POU2F1: variants seen among roughly 807,000 people sequenced by gnomAD.
POU2F1 encodes POU class 2 homeobox 1, also known as POU domain, class 2, transcription factor 1.
Under a neutral mutation model 84.9 loss-of-function variants are expected in POU2F1, and 16 were observed. That is an observed-to-expected ratio of 0.19 (90% confidence interval 0.13 to 0.29). The LOEUF is 0.29. POU2F1 is among the 10% of genes least tolerant of loss of function. The probability of loss-of-function intolerance (pLI) is 1.00; values close to 1 mark genes in which losing one functional copy is unlikely to be tolerated. For synonymous variants in POU2F1, 368 were observed against 368.3 expected (o/e 1.00, Z 0.01); for missense variants, 738 against 942.6 (o/e 0.78, Z 2.84).
chr1:167,228,482 C>T (rs999449115), intron 1 of POU2F1, among the ~76,000 whole-genome samples: 1 of 152,166 alleles, frequency 6.6e-6, no homozygotes, highest in African/African-American at 2.4e-5. Flanking sequence ...GGATATTGTC[C>T]AATTACATTA....
chr1:167,298,891 C>T (rs529227774), intron 1 of POU2F1, among the ~76,000 whole-genome samples: 1 of 152,176 alleles, frequency 6.6e-6, no homozygotes, highest in East Asian at 1.9e-4. Context: ...AGGCTGGGCA[C>T]GGTGGCTCAT....
chr1:167,320,805 C>A (rs2102631785), intron 1 of POU2F1, among the ~76,000 whole-genome samples: 1 of 152,316 alleles, frequency 6.6e-6, no homozygotes, highest in South Asian at 2.1e-4. Context: ...TCTCAATTAG[C>A]TGTAACTCTG....
intron 1 of POU2F1, among the ~76,000 whole-genome samples, chr1:167,224,500 A>G (rs1571112144): frequency 6.6e-6 from 1 of 152,220 alleles, no homozygotes; most frequent in African/African-American, 2.4e-5. Flanking sequence ...CTTAGTCTGG[A>G]CAAGTTTGTT....
At chr1:167,356,988 T>C (rs550889455) in intron 2 of POU2F1, among the ~76,000 whole-genome samples, 1 of 152,190 alleles carries the variant, frequency 6.6e-6, no homozygotes, top group Non-Finnish European at 1.5e-5. Flanking sequence ...ATTTTGTCTC[T>C]TAATGCACAT....
At chr1:167,284,561 T>C (rs916185346) in intron 1 of POU2F1, among the ~76,000 whole-genome samples, 1 of 152,258 alleles carries the variant, frequency 6.6e-6, no homozygotes, top group Non-Finnish European at 1.5e-5. Flanking sequence ...GTATTCACTT[T>C]GCCTTTCCCA....
chr1:167,288,740 A>G (rs7535513), intron 1 of POU2F1, among the ~76,000 whole-genome samples: 16,298 of 152,248 alleles, frequency 0.11, 2,163 homozygotes, highest in African/African-American at 0.32. Context: ...AGGCTGCTGA[A>G]CAAATTTTAA....
chr1:167,253,745 A>G (rs1189662913), intron 1 of POU2F1, among the ~76,000 whole-genome samples: 1 of 152,058 alleles, frequency 6.6e-6, no homozygotes, highest in East Asian at 1.9e-4. Context: ...TTATTTTTTA[A>G]GAAAGAAAGT....
At chr1:167,352,329 A>G (rs1343464337) in intron 2 of POU2F1, among the ~76,000 whole-genome samples, 2 of 152,232 alleles carry the variant, frequency 1.3e-5, no homozygotes, top group Non-Finnish European at 2.9e-5. Flanking sequence ...TGTAAAAGAA[A>G]TGTAGTTGAA....
At chr1:167,327,102 C>A (rs112348217) in intron 1 of POU2F1, among the ~76,000 whole-genome samples, 5 of 152,068 alleles carry the variant, frequency 3.3e-5, no homozygotes, top group African/African-American at 1.2e-4. Flanking sequence ...AATTTGTGTT[C>A]TCTTCTATAA....
At chr1:167,248,942 T>TATC (rs1228881539) in intron 1 of POU2F1, among the ~76,000 whole-genome samples, 1 of 152,194 alleles carries the variant, frequency 6.6e-6, no homozygotes, top group East Asian at 1.9e-4. Flanking sequence ...TAGGATCACA[T>TATC]GATGAGAAAG....
At chr1:167,259,054 C>T (rs1401525180) in intron 1 of POU2F1, among the ~76,000 whole-genome samples, 3 of 152,182 alleles carry the variant, frequency 2.0e-5, no homozygotes, top group Non-Finnish European at 4.4e-5. Context: ...CTTAACCAGG[C>T]TTACTCGTGT....
intron 1 of POU2F1, among the ~76,000 whole-genome samples, chr1:167,266,295 G>A (rs189922803): frequency 2.6e-5 from 4 of 152,276 alleles, no homozygotes; most frequent in Admixed American, 2.6e-4. Flanking sequence ...TCCGAAGGTG[G>A]ATTTGGAAAT....
At chr1:167,343,332 T>C (rs1657980320) in intron 2 of POU2F1, among the ~76,000 whole-genome samples, 1 of 152,214 alleles carries the variant, frequency 6.6e-6, no homozygotes, top group Non-Finnish European at 1.5e-5. Context: ...TTTTGTTCAT[T>C]ACTAATAGAA....
At chr1:167,337,628 T>C (rs1657558499) in intron 2 of POU2F1, among the ~76,000 whole-genome samples, 1 of 151,474 alleles carries the variant, frequency 6.6e-6, no homozygotes. Context: ...AGGCCGTCTG[T>C]GGTGGCTCAC....
chr1:167,263,026 A>G (rs144876193), intron 1 of POU2F1, among the ~76,000 whole-genome samples: 9 of 152,336 alleles, frequency 5.9e-5, no homozygotes, highest in Non-Finnish European at 1.0e-4. Context: ...TCTGAGCCAT[A>G]CTTTTGGAAG....
rs201969908 is a variant in POU2F1, at chr1:167,415,479, T to C, written c.1991-21T>C. The stretch of plus-strand genomic sequence containing the variant: ...GTTAATGTTTTCATTCCTGCCTGTT[T>C]TGGGGGGTTTTTGTCTGTAGCTCTT... On this transcript the variant is annotated intron_variant, in intron 15 of 15. Coordinates refer to ENST00000367866, the MANE Select transcript of POU2F1 (RefSeq NM_002697.4). 45 of 1,609,614 alleles carry C rather than the reference T, an allele frequency of 2.8e-5. No homozygotes were observed. The Admixed American group carries it at 7.2e-4, about 26-fold the overall frequency.
At position 167,345,831 on chromosome 1, in the gene POU2F1, G is replaced by T. The variant is rs1658155072; in HGVS notation, c.127+13296G>T. ...GTTATTTGAAAAGTCTCAACAGCTGGTAAGTCATAAGACACTTATTTTTCT... is the reference window on the plus strand; with the variant it reads ...GTTATTTGAAAAGTCTCAACAGCTGTTAAGTCATAAGACACTTATTTTTCT... On this transcript the variant is annotated intron_variant, in intron 2 of 15. Transcript: ENST00000367866. Among the ~76,000 whole-genome samples, 4 of 151,892 alleles carry T rather than the reference G, an allele frequency of 2.6e-5. 1 individual carries two copies. In the South Asian group the frequency reaches 8.3e-4, roughly 32 times the overall value.
intron 1 of POU2F1, among the ~76,000 whole-genome samples, chr1:167,265,130 A>G (rs1384250006): frequency 6.6e-6 from 1 of 152,188 alleles, no homozygotes; most frequent in Non-Finnish European, 1.5e-5. Context: ...TATTCTCAGG[A>G]TGTGTAATGC....
chr1:167,246,805 C>T (rs1189886436), intron 1 of POU2F1, among the ~76,000 whole-genome samples: 1 of 152,064 alleles, frequency 6.6e-6, no homozygotes, highest in Non-Finnish European at 1.5e-5. Flanking sequence ...TTGGAAATAA[C>T]CTAAATGGAA....
Sources: allele counts gnomAD v4.1 joint callset (sites outside exome capture counted in the v4.1 genomes callset), GRCh38; gene constraint gnomAD v4.1.1; transcripts MANE v1.5; gene names NCBI Gene and HGNC (gene_info 2026-07-23, HGNC 2026-07-21).